Variants in SETD2 observed in about 807,000 individuals in gnomAD.
SETD2 encodes SET domain containing 2, histone lysine methyltransferase.
A neutral mutation model predicts 242.1 loss-of-function variants in SETD2; 31 were observed. The observed-to-expected ratio is 0.13, with a 90% confidence interval of 0.10 to 0.17. The LOEUF is 0.17. Ranked by LOEUF, SETD2 falls within the 10% of genes least tolerant of loss-of-function variation. SETD2 has a pLI of 1.00. For synonymous variants in SETD2, 1,006 were observed against 1,066.5 expected (o/e 0.94, Z 1.11); for missense variants, 2,481 against 3,046.3 (o/e 0.81, Z 4.37).
In SETD2 at chr3:47,044,220, G is replaced by A. The variant is rs889002618; in HGVS notation, c.7099-1520C>T. ...TAGCCAGGTGTGGTGGTGTGCACTT[G>A]TAATCCCAGCTACTCAGGAGGCTGA... On this transcript the variant is annotated intron_variant, in intron 16 of 20. Transcript: ENST00000409792. 3.2e-4 allele frequency among the ~76,000 whole-genome samples: 48 copies of A among 151,334 alleles called. 1 individual carries two copies. Among genetic ancestry groups the A allele is most frequent in the Non-Finnish European group, 6.9e-4 (47 of 67,904 alleles).
Position 47,121,315 on chromosome 3 carries a change from C to T in SETD2, c.3321G>A (p.Glu1107=), listed in dbSNP as rs1474818213. The stretch of plus-strand genomic sequence containing the variant: ...TTTCCTCATACAAATGTCTCCTTGA[C>T]TCCAATCTCTCATCTTCCCAATGGT... ...YSDHWEDERL[E]SRRHLYEEKF... is the part of the protein sequence containing the mutation. The change falls in exon 3 of 21, where the codon GAG becomes GAA. Residue 1107 remains glutamate, a synonymous_variant. Transcript: ENST00000409792. 6.2e-6 allele frequency: 10 copies of T among 1,611,982 alleles called. No individual in the cohort carries two copies. The highest frequency in any genetic ancestry group is 8.5e-6 in the Non-Finnish European group (10 of 1,179,982).
intron 12 of SETD2, among the ~76,000 whole-genome samples, chr3:47,072,232 C>T (rs534580474): frequency 3.9e-5 from 6 of 152,058 alleles, no homozygotes; most frequent in Admixed American, 1.3e-4. Flanking sequence ...GGCATGAATC[C>T]GGGAGGCGGA....
At chr3:47,089,176 T>C (rs2041692310) in intron 9 of SETD2, among the ~76,000 whole-genome samples, 1 of 152,190 alleles carries the variant, frequency 6.6e-6, no homozygotes, top group South Asian at 2.1e-4. Flanking sequence ...CCGGGCATGG[T>C]GGCTCACACT....
intron 9 of SETD2, among the ~76,000 whole-genome samples, chr3:47,096,008 G>A (rs1267512801): frequency 6.6e-6 from 1 of 151,726 alleles, no homozygotes; most frequent in Non-Finnish European, 1.5e-5. Flanking sequence ...CTCCCGCCTT[G>A]GCCTCCCAAA....
At chr3:47,118,531 G>A (rs532982663) in intron 3 of SETD2, among the ~76,000 whole-genome samples, 2 of 152,004 alleles carry the variant, frequency 1.3e-5, no homozygotes, top group Admixed American at 1.3e-4. Flanking sequence ...AGACCAGCCT[G>A]GCCAACATGG....
chr3:47,126,656 C>T lies in SETD2; in HGVS notation c.79G>A (p.Glu27Lys). Residue 27 changes from glutamate to lysine, a missense_variant, in exon 2 of 21, where the codon GAA becomes AAA. Transcript: ENST00000409792. Reference sequence around the variant, plus strand: ...AGTTAAATTATACTTACCTCATTTTCTTCTTCTCTATTTCCATTCAGCCAA... The same window carrying T: ...AGTTAAATTATACTTACCTCATTTTTTTCTTCTCTATTTCCATTCAGCCAA... ...DPEHPTPEEE[E>K]NEAKIENVQK... The T allele has an allele frequency of 7.5e-7, 1 of 1,341,320 alleles. No individual in the cohort carries two copies. 83.1% of individuals were successfully genotyped at this position (1,341,320 alleles called of 1,614,324 possible). A position where few individuals can be genotyped will look rare whatever the true frequency, so the allele number is the denominator to read the frequency against.
At chr3:47,082,128 G>C (rs143683278) in intron 12 of SETD2, among the ~76,000 whole-genome samples, 90 of 152,216 alleles carry the variant, frequency 5.9e-4, no homozygotes, top group African/African-American at 2.0e-3. Flanking sequence ...GTATATCCTA[G>C]AGAGTAATTC....
In SETD2 at chr3:47,072,123, A is replaced by C. The variant is rs552192885; in HGVS notation, c.6061-5005T>G. Among the ~76,000 whole-genome samples, 15 of 152,076 alleles carry C rather than the reference A, an allele frequency of 9.9e-5. 1 individual carries two copies. The South Asian group carries it at 3.1e-3, about 32-fold the overall frequency. The stretch of plus-strand genomic sequence containing the variant: ...GAAGATCGAGACCATCCTGGCTAAC[A>C]CGGTGAAACCCCGTCTCTACCAAAA... On this transcript the variant is annotated intron_variant, in intron 12 of 20. Coordinates refer to ENST00000409792, the MANE Select transcript of SETD2 (RefSeq NM_014159.7).
chr3:47,119,721 G>A (rs756760360), intron 3 of SETD2: 100 of 433,884 alleles, frequency 2.3e-4, no homozygotes, highest in South Asian at 1.3e-3. Flanking sequence ...TCCCAGTCTC[G>A]GGTATGTCTT....
rs79847767 is a variant in SETD2 at position 47,051,538 on chromosome 3, C to A, written c.6964-4917G>T. 1.8e-4 allele frequency among the ~76,000 whole-genome samples: 28 copies of A among 152,262 alleles called. No individual in the cohort carries two copies. The East Asian group carries it at 4.4e-3, about 24-fold the overall frequency. ...ATTTCCACATTACTCAGTCTAACAA[C>A]CAAAAATCCTTTTAAAGCTCCCCCT... On this transcript the variant is annotated intron_variant, in intron 15 of 20. Coordinates refer to ENST00000409792, the MANE Select transcript of SETD2 (RefSeq NM_014159.7).
At chr3:47,039,216 T>C (rs1287683629) in intron 17 of SETD2, among the ~76,000 whole-genome samples, 2 of 151,716 alleles carry the variant, frequency 1.3e-5, no homozygotes, top group Non-Finnish European at 2.9e-5. Flanking sequence ...ATACAAACTT[T>C]TTTTTTTTTT....
intron 13 of SETD2, among the ~76,000 whole-genome samples, chr3:47,063,218 T>C (rs368432576): frequency 4.3e-4 from 65 of 152,184 alleles, no homozygotes; most frequent in Non-Finnish European, 7.3e-5. Flanking sequence ...CAAACCTGTG[T>C]TGTTCAAGAG....
chr3:47,130,339 T>TAGAAGGGTCA (rs1179090338), intron 1 of SETD2, among the ~76,000 whole-genome samples: 2 of 151,848 alleles, frequency 1.3e-5, no homozygotes, highest in Non-Finnish European at 2.9e-5. Context: ...GGAAGAGAGG[T>TAGAAGGGTCA]AGAAGGGTCA....
intron 15 of SETD2, among the ~76,000 whole-genome samples, chr3:47,049,962 ATATT>A (rs1342519413): frequency 6.8e-6 from 1 of 146,760 alleles, no homozygotes; most frequent in African/African-American, 2.5e-5. Flanking sequence ...ATTTGTACAT[ATATT>A]TATATGTTTT....
rs2106672381 is a variant in SETD2, at chr3:47,122,220, T to A, written c.2416A>T (p.Asn806Tyr). Reference sequence around the variant, plus strand: ...GGCTCAATATTTTCAGCTTCAGAGTTACACAAAGAAGGGTTGCTATCGTTC... The same window carrying A: ...GGCTCAATATTTTCAGCTTCAGAGTAACACAAAGAAGGGTTGCTATCGTTC... Reference protein sequence around the residue: ...TLNDSNPSLCNSEAENIEPSV... With the variant: ...TLNDSNPSLCYSEAENIEPSV... Residue 806 changes from asparagine (N) to tyrosine (Y), a missense_variant, in exon 3 of 21, where the codon AAC (asparagine) becomes TAC (tyrosine). Physicochemically the swap from Asn to Tyr is moderately radical, Grantham distance 143. Transcript: ENST00000409792. 2.5e-6 allele frequency: 4 copies of A among 1,614,146 alleles called. No homozygotes were observed. Among genetic ancestry groups the A allele is most frequent in the Non-Finnish European group, 3.4e-6 (4 of 1,179,994 alleles).
At chr3:47,162,094 C>T (rs1697503126) in intron 1 of SETD2, among the ~76,000 whole-genome samples, 1 of 152,104 alleles carries the variant, frequency 6.6e-6, no homozygotes, top group Non-Finnish European at 1.5e-5. Context: ...CTTCTGAGTC[C>T]ATTTTCCCAC....
chr3:47,054,623 C>T (rs1249497145), intron 15 of SETD2, among the ~76,000 whole-genome samples: 1 of 152,086 alleles, frequency 6.6e-6, no homozygotes, highest in Non-Finnish European at 1.5e-5. Context: ...TACTCTCTCC[C>T]TACACACACA....
chr3:47,058,465 C>CAAAAAAAA (rs1448864045), intron 14 of SETD2, among the ~76,000 whole-genome samples: 1 of 76,156 alleles, frequency 1.3e-5, no homozygotes, highest in Non-Finnish European at 2.4e-5. Context: ...AAAAAAAAAA[C>CAAAAAAAA]ACAAAGAGGG....
At chr3:47,082,279 G>C (rs2107634539) in intron 12 of SETD2, among the ~76,000 whole-genome samples, 1 of 152,324 alleles carries the variant, frequency 6.6e-6, no homozygotes, top group South Asian at 2.1e-4. Flanking sequence ...TCCGGCAAAA[G>C]TAAACTACTG....
Sources: allele counts gnomAD v4.1 joint callset (sites outside exome capture counted in the v4.1 genomes callset), GRCh38; gene constraint gnomAD v4.1.1; transcripts MANE v1.5; gene names NCBI Gene and HGNC (gene_info 2026-07-23, HGNC 2026-07-21).